TMEM123: variants seen among roughly 807,000 people sequenced by gnomAD.
The protein encoded by TMEM123 is transmembrane protein 123, also known as porimin.
A neutral mutation model predicts 19.7 loss-of-function variants in TMEM123; 16 were observed. The observed-to-expected ratio is 0.81, with a 90% CI of 0.55 to 1.23. The LOEUF (loss-of-function observed/expected upper bound fraction) is 1.23, where lower values mean the gene tolerates loss of function less well. Among genes scored for constraint, TMEM123 ranks in the 50% most tolerant of loss-of-function variants. The pLI, the probability that TMEM123 is intolerant of heterozygous loss-of-function variation, is 0.00. For missense variants in TMEM123, 313 were observed against 257.8 expected (o/e 1.21, Z -1.47); for synonymous variants, 118 against 99.4 (o/e 1.19, Z -1.12).
intron 2 of TMEM123, among the ~76,000 whole-genome samples, chr11:102,411,001 GCA>G (rs371347318): frequency 3.1e-4 from 47 of 152,128 alleles, no homozygotes; most frequent in African/African-American, 9.6e-4. Context: ...CTGGTTCCTG[GCA>G]CAGAGTTTCT....
At chr11:102,408,848 T>C (rs1043164763) in intron 2 of TMEM123, among the ~76,000 whole-genome samples, 1 of 152,178 alleles carries the variant, frequency 6.6e-6, no homozygotes, top group Admixed American at 6.5e-5. Context: ...CCCAGACCTT[T>C]TTCTGTTAAT....
chr11:102,418,366 A>AACAG (rs1173970749), intron 2 of TMEM123, among the ~76,000 whole-genome samples: 1 of 152,226 alleles, frequency 6.6e-6, no homozygotes, highest in African/African-American at 2.4e-5. Context: ...AAAGGATATG[A>AACAG]ACAGACACTT....
chr11:102,434,182 T>C (rs1857739317), intron 2 of TMEM123, among the ~76,000 whole-genome samples: 1 of 151,952 alleles, frequency 6.6e-6, no homozygotes, highest in African/African-American at 2.4e-5. Context: ...TTTTCCATAA[T>C]GGCTGTACTA....
intron 2 of TMEM123, among the ~76,000 whole-genome samples, chr11:102,440,457 A>G (rs566268568): frequency 1.4e-4 from 22 of 152,344 alleles, no homozygotes; most frequent in African/African-American, 4.8e-4. Context: ...ACTAAGTTTC[A>G]TAAGTGAAGG....
intron 2 of TMEM123, among the ~76,000 whole-genome samples, chr11:102,446,521 T>C (rs897956652): frequency 6.6e-6 from 1 of 152,246 alleles, no homozygotes; most frequent in Non-Finnish European, 1.5e-5. Context: ...AGTACACATC[T>C]GCAAAATGTA....
chr11:102,429,008 G>A (rs550449974), intron 2 of TMEM123, among the ~76,000 whole-genome samples: 25 of 152,260 alleles, frequency 1.6e-4, no homozygotes, highest in African/African-American at 5.1e-4. Flanking sequence ...GAGGGACTAC[G>A]AGTGGGTAGG....
Position 102,405,641 on chromosome 11 carries a change from T to G in TMEM123, c.158-3435A>C, listed in dbSNP as rs186227557. On this transcript the variant is annotated intron_variant, in intron 2 of 4. Transcript: ENST00000398136. ...TTTAGAATAGAATGATCCCGCAGAA[T>G]AAAACAATGAACACAATGCTGCTTT... 2.0e-3 allele frequency among the ~76,000 whole-genome samples: 302 copies of G among 152,232 alleles called. 4 individuals are homozygous for G. Among genetic ancestry groups the G allele is most frequent in the South Asian group, 9.9e-3 (48 of 4,826 alleles).
chr11:102,449,016 A>T, intron 1 of TMEM123, 148 bp from the exon 2 acceptor site: 1 of 716,638 alleles, frequency 1.4e-6, no homozygotes. Flanking sequence ...CCCTGTTGTT[A>T]TGAAACATAT....
At chr11:102,427,842 A>T (rs969963384) in intron 2 of TMEM123, among the ~76,000 whole-genome samples, 4 of 138,050 alleles carry the variant, frequency 2.9e-5, no homozygotes, top group African/African-American at 1.2e-4. Flanking sequence ...TGTTTCAATT[A>T]AAAAAAAAAA....
At chr11:102,416,046 C>CT (rs1952041985) in intron 2 of TMEM123, among the ~76,000 whole-genome samples, 1 of 152,092 alleles carries the variant, frequency 6.6e-6, no homozygotes, top group East Asian at 1.9e-4. Context: ...TCCCAAGTAC[C>CT]TGGGACTACA....
At chr11:102,452,364 C>G in intron 1 of TMEM123, 160 bp downstream of exon 1, 2 of 532,302 alleles carry the variant, frequency 3.8e-6, no homozygotes, top group Non-Finnish European at 5.9e-6. Flanking sequence ...CTGGTCCAAA[C>G]CTCAGTTTCC....
chr11:102,423,013 G>C (rs1458959746), intron 2 of TMEM123, among the ~76,000 whole-genome samples: 1 of 152,146 alleles, frequency 6.6e-6, no homozygotes, highest in East Asian at 1.9e-4. Flanking sequence ...AACACCTACT[G>C]ACTCGACAAT....
At chr11:102,451,512 C>G (rs1857938857) in intron 1 of TMEM123, among the ~76,000 whole-genome samples, 1 of 152,218 alleles carries the variant, frequency 6.6e-6, no homozygotes, top group South Asian at 2.1e-4. Flanking sequence ...TACAAACTGC[C>G]TTTTTCTTTT....
In TMEM123 at chr11:102,396,785, A is replaced by AAACT; in HGVS notation, c.*2078_*2081dup. On this transcript the variant is annotated 3_prime_UTR_variant, in exon 5 of 5. Coordinates refer to ENST00000398136, the MANE Select transcript of TMEM123 (RefSeq NM_052932.3). Reference sequence around the variant, plus strand: ...TACATACAGAGAAAAAGACATAACTAAACTACTTCAAACCCAATGCAGAGG... The same window carrying AAACT: ...TACATACAGAGAAAAAGACATAACTAAACTAACTACTTCAAACCCAATGCAGAGG... 6.6e-6 allele frequency: 1 copy of AAACT among 152,340 alleles called. No individual in the cohort carries two copies. The highest frequency in any genetic ancestry group is 1.9e-4 in the East Asian group (1 of 5,188). The allele number at this position is 152,340 out of a possible 1,614,324, so 9.4% of individuals were successfully genotyped here. A position where few individuals can be genotyped will look rare whatever the true frequency, so the allele number is the denominator to read the frequency against.
chr11:102,406,047 C>G (rs190147508), intron 2 of TMEM123, among the ~76,000 whole-genome samples: 1 of 152,340 alleles, frequency 6.6e-6, no homozygotes, highest in Non-Finnish European at 1.5e-5. Context: ...CTTCTTCCCT[C>G]TCCCTTAACT....
At chr11:102,402,313 T>TA (rs1380032256) in intron 2 of TMEM123, 107 bp from the exon 3 acceptor site, 1 of 1,155,468 alleles carries the variant, frequency 8.7e-7, no homozygotes, top group African/African-American at 1.6e-5. Flanking sequence ...ATCTTACAAA[T>TA]ACAGCAGCAT....
intron 2 of TMEM123, among the ~76,000 whole-genome samples, chr11:102,441,387 A>T (rs1205182125): frequency 6.6e-6 from 1 of 152,182 alleles, no homozygotes; most frequent in Non-Finnish European, 1.5e-5. Flanking sequence ...GGATTAAGAA[A>T]CTCACTCAAA....
intron 4 of TMEM123, 105 bp from the exon 5 acceptor site, chr11:102,398,996 A>ACAAT (rs1304338667): frequency 7.6e-6 from 8 of 1,046,220 alleles, no homozygotes; most frequent in African/African-American, 1.6e-5. Context: ...TTCAAGCTGC[A>ACAAT]CAATCAAAAT....
intron 2 of TMEM123, among the ~76,000 whole-genome samples, chr11:102,425,064 T>C (rs1486291280): frequency 2.0e-5 from 3 of 152,256 alleles, no homozygotes; most frequent in South Asian, 2.1e-4. Context: ...CTCAAGATGA[T>C]AGCATATGTG....
Sources: gnomAD v4.1 joint callset for allele counts (sites outside exome capture counted in the v4.1 genomes callset) on GRCh38, gnomAD v4.1.1 for gene constraint, MANE v1.5 for transcripts, NCBI Gene and HGNC (gene_info 2026-07-23, HGNC 2026-07-21) for gene names.